Variants in ANKS1B observed in about 807,000 individuals in gnomAD.
The protein encoded by ANKS1B is ankyrin repeat and sterile alpha motif domain-containing protein 1B.
ANKS1B carries 36 observed loss-of-function variants against 148.3 expected under a neutral mutation model. The ratio of observed to expected loss-of-function variants is 0.24; its 90% CI spans 0.19 to 0.32. The LOEUF (loss-of-function observed/expected upper bound fraction) is 0.32. ANKS1B is among the 10% of genes least tolerant of loss of function. ANKS1B has a pLI of 1.00. For missense variants in ANKS1B, 1,157 were observed against 1,542.6 expected, an observed-to-expected ratio of 0.75 and a Z score of 4.19; for synonymous variants, 542 against 560.8, an observed-to-expected ratio of 0.97 and a Z score of 0.47.
rs76022189 is a variant in ANKS1B at position 99,626,553 on chromosome 12, C to T, written c.1272+28514G>A. Among the ~76,000 whole-genome samples, 21 of 152,280 alleles carry T rather than the reference C, an allele frequency of 1.4e-4. No individual in the cohort carries two copies. The East Asian group carries it at 2.5e-3, about 18-fold the overall frequency. On this transcript the variant is annotated intron_variant, in intron 9 of 26. Coordinates refer to ENST00000683438, the MANE Select transcript of ANKS1B (RefSeq NM_001352186.2). ...TCATTGCTTACCTGTTCTTTCCTCT[C>T]CATCTTTACTTGTTCTCTCCCTGAG...
chr12:99,572,892 C>T (rs183596968), intron 9 of ANKS1B, among the ~76,000 whole-genome samples: 1,662 of 151,930 alleles, frequency 0.011, 93 homozygotes, highest in Admixed American at 0.095. Flanking sequence ...TAATATGTAT[C>T]GTGTTTACAT....
At chr12:98,780,613 A>G (rs2098725122) in intron 24 of ANKS1B, among the ~76,000 whole-genome samples, 1 of 152,212 alleles carries the variant, frequency 6.6e-6, no homozygotes, top group African/African-American at 2.4e-5. Flanking sequence ...GAGGCTGGGA[A>G]TTAAATGTAG....
intron 12 of ANKS1B, among the ~76,000 whole-genome samples, chr12:99,258,347 A>C (rs1031650381): frequency 1.3e-5 from 2 of 152,082 alleles, no homozygotes; most frequent in Non-Finnish European, 2.9e-5. Context: ...TCCCCCTAAA[A>C]AGTATATTTA....
chr12:99,653,446 G>A (rs573148880), intron 9 of ANKS1B, among the ~76,000 whole-genome samples: 1 of 152,122 alleles, frequency 6.6e-6, no homozygotes, highest in African/African-American at 2.4e-5. Flanking sequence ...TTAAGGGTAA[G>A]CTAATAAAAT....
chr12:99,561,910 C>T (rs1374105281), intron 9 of ANKS1B, among the ~76,000 whole-genome samples: 1 of 152,166 alleles, frequency 6.6e-6, no homozygotes, highest in Admixed American at 6.5e-5. Context: ...TTTCAATTTA[C>T]CTTTCCCAGA....
rs980196484 is a variant in ANKS1B at position 99,477,710 on chromosome 12, T to C, written c.1438+26766A>G. On this transcript the variant is annotated intron_variant, in intron 10 of 26. Transcript: ENST00000683438. ...TATCATAGATATTAAAATATATGTA[T>C]CCTTTCACTAAGGTATACAAACATT... Among the ~76,000 whole-genome samples, 3 of 152,200 alleles carry C rather than the reference T, an allele frequency of 2.0e-5. No homozygotes were observed. In the South Asian group the frequency reaches 6.2e-4, roughly 32 times the overall value.
intron 1 of ANKS1B, among the ~76,000 whole-genome samples, chr12:99,923,450 C>A (rs2094412584): frequency 6.6e-6 from 1 of 152,080 alleles, no homozygotes; most frequent in Non-Finnish European, 1.5e-5. Flanking sequence ...GCTTTTATAA[C>A]AAAAGTGACT....
intron 8 of ANKS1B, among the ~76,000 whole-genome samples, chr12:99,760,569 T>C (rs2061991505): frequency 6.6e-6 from 1 of 151,886 alleles, no homozygotes; most frequent in East Asian, 1.9e-4. Flanking sequence ...GGAAAGTCTA[T>C]AGTGCTAAAT....
chr12:99,732,736 A>G (rs550338519), intron 8 of ANKS1B, among the ~76,000 whole-genome samples: 1 of 152,320 alleles, frequency 6.6e-6, no homozygotes, highest in Admixed American at 6.5e-5. Context: ...TATGTAAATT[A>G]TATCTCTAAT....
At chr12:99,886,281 T>G (rs749022846) in intron 1 of ANKS1B, among the ~76,000 whole-genome samples, 1 of 152,218 alleles carries the variant, frequency 6.6e-6, no homozygotes, top group Non-Finnish European at 1.5e-5. Flanking sequence ...GGTAAATAAT[T>G]TTATTTAATG....
At position 99,105,768 on chromosome 12, in the gene ANKS1B, C is replaced by CA. The variant is rs11349848; in HGVS notation, c.2527-20746dup. On this transcript the variant is annotated intron_variant, in intron 15 of 26. Coordinates refer to ENST00000683438, the MANE Select transcript of ANKS1B (RefSeq NM_001352186.2). ...TGGGCAACAAAGTGAGACTCTGTCT[C>CA]AAAAAAAAAAAAAAAAAAAAACTAA... Among the ~76,000 whole-genome samples, 408 of 82,648 alleles carry CA rather than the reference C, an allele frequency of 4.9e-3. 3 individuals are homozygous for CA. The highest frequency in any genetic ancestry group is 0.019 in the Middle Eastern group (3 of 160). 54.2% of individuals were successfully genotyped at this position (82,648 alleles called of 152,430 possible).
intron 10 of ANKS1B, among the ~76,000 whole-genome samples, chr12:99,463,247 G>A (rs2096018079): frequency 6.6e-6 from 1 of 152,160 alleles, no homozygotes; most frequent in African/African-American, 2.4e-5. Context: ...CAGTCTTCTG[G>A]TTTTGTTTTG....
chr12:98,918,540 A>G (rs2099797408), intron 17 of ANKS1B, among the ~76,000 whole-genome samples: 1 of 152,230 alleles, frequency 6.6e-6, no homozygotes, highest in African/African-American at 2.4e-5. Flanking sequence ...AAGGAATCCT[A>G]TGATGAATAT....
chr12:99,306,527 G>A lies in ANKS1B; in HGVS notation c.1757-59663C>T, dbSNP rs371397436. ...AGCCCTTCATGTAATTGAATAGGGG[G>A]ATAGTTTCTGATGATGGTTTTACAT... On this transcript the variant is annotated intron_variant, in intron 12 of 26. Coordinates refer to ENST00000683438, the MANE Select transcript of ANKS1B (RefSeq NM_001352186.2). 5.9e-5 allele frequency among the ~76,000 whole-genome samples: 9 copies of A among 152,054 alleles called. No individual in the cohort carries two copies. The East Asian group carries it at 1.2e-3, about 20-fold the overall frequency.
At chr12:99,209,398 T>C (rs35982419) in intron 14 of ANKS1B, among the ~76,000 whole-genome samples, 1 of 152,282 alleles carries the variant, frequency 6.6e-6, no homozygotes, top group East Asian at 1.9e-4. Flanking sequence ...TGTTACTAGA[T>C]TGTAGCCTCT....
At chr12:99,206,208 T>G (rs1204217964) in intron 14 of ANKS1B, among the ~76,000 whole-genome samples, 1 of 152,166 alleles carries the variant, frequency 6.6e-6, no homozygotes, top group Non-Finnish European at 1.5e-5. Flanking sequence ...TCTGAGAGAC[T>G]CAACATTCAA....
chr12:99,871,775 C>T (rs1168474941), intron 1 of ANKS1B, among the ~76,000 whole-genome samples: 1 of 152,080 alleles, frequency 6.6e-6, no homozygotes, highest in Admixed American at 6.6e-5. Flanking sequence ...TATCCTGAAA[C>T]TATAATGAAG....
At chr12:98,978,671 T>C (rs900011315) in intron 17 of ANKS1B, among the ~76,000 whole-genome samples, 3 of 152,148 alleles carry the variant, frequency 2.0e-5, no homozygotes, top group African/African-American at 4.8e-5. Context: ...CTTTAAATAA[T>C]ATACCAATTA....
At chr12:99,652,239 G>A (rs1368051176) in intron 9 of ANKS1B, among the ~76,000 whole-genome samples, 3 of 152,172 alleles carry the variant, frequency 2.0e-5, no homozygotes, top group South Asian at 2.1e-4. Context: ...TTGGGAAGCC[G>A]AGGCGGGCAG....
Sources: gnomAD v4.1 joint callset for allele counts (sites outside exome capture counted in the v4.1 genomes callset) on GRCh38, gnomAD v4.1.1 for gene constraint, MANE v1.5 for transcripts, NCBI Gene and HGNC (gene_info 2026-07-23, HGNC 2026-07-21) for gene names.